PHACTR1: variants seen among roughly 807,000 people sequenced by gnomAD.
PHACTR1 encodes RPEL repeat containing 1.
A neutral mutation model predicts 69.2 loss-of-function variants in PHACTR1; 16 were observed. The ratio of observed to expected loss-of-function variants is 0.23; its 90% CI spans 0.16 to 0.35. The LOEUF (loss-of-function observed/expected upper bound fraction) is 0.35, where lower values mean the gene tolerates loss of function less well. Among genes scored for constraint, PHACTR1 ranks in the 10% least tolerant of loss-of-function variants. The pLI is 1.00. For missense variants in PHACTR1, 510 were observed against 734.7 expected (o/e 0.69, Z 3.54); for synonymous variants, 312 against 284.5 (o/e 1.10, Z -0.97).
intron 3 of PHACTR1, among the ~76,000 whole-genome samples, chr6:12,744,204 A>G (rs1765473816): frequency 1.3e-5 from 2 of 152,222 alleles, no homozygotes; most frequent in African/African-American, 2.4e-5. Context: ...TATTGGCTCT[A>G]TAAGTCAAAT....
At chr6:13,243,128 T>C (rs1773085957) in intron 10 of PHACTR1, among the ~76,000 whole-genome samples, 1 of 152,204 alleles carries the variant, frequency 6.6e-6, no homozygotes, top group Non-Finnish European at 1.5e-5. Flanking sequence ...AGAATGGGAA[T>C]GAGTCAGGGC....
chr6:12,921,320 T>C (rs1364440025), intron 4 of PHACTR1, among the ~76,000 whole-genome samples: 1 of 152,160 alleles, frequency 6.6e-6, no homozygotes, highest in Non-Finnish European at 1.5e-5. Flanking sequence ...ATAAATTCGA[T>C]AACTAATGAG....
At chr6:13,041,976 T>C (rs73366296) in intron 4 of PHACTR1, among the ~76,000 whole-genome samples, 1,937 of 152,302 alleles carry the variant, frequency 0.013, 35 homozygotes, top group African/African-American at 0.044. Context: ...TTGTGTTTCA[T>C]GGAACACAAG....
intron 4 of PHACTR1, among the ~76,000 whole-genome samples, chr6:12,949,192 C>T (rs902182768): frequency 6.6e-6 from 1 of 151,148 alleles, no homozygotes. Context: ...ATCACTTGAA[C>T]CCAGGAGGCG....
intron 4 of PHACTR1, among the ~76,000 whole-genome samples, chr6:13,041,380 A>ACACACAC: frequency 6.6e-6 from 1 of 151,308 alleles, no homozygotes; most frequent in South Asian, 2.1e-4. Flanking sequence ...ACACACACAC[A>ACACACAC]GAAGAGAAGA....
chr6:12,953,049 G>A (rs113696854), intron 4 of PHACTR1, among the ~76,000 whole-genome samples: 1,964 of 152,196 alleles, frequency 0.013, 45 homozygotes, highest in African/African-American at 0.044. Flanking sequence ...CTTGCCGGGC[G>A]TGGTGGCTCA....
At chr6:13,085,274 T>G (rs1368212675) in intron 5 of PHACTR1, among the ~76,000 whole-genome samples, 3 of 151,954 alleles carry the variant, frequency 2.0e-5, no homozygotes, top group Non-Finnish European at 4.4e-5. Context: ...ACTCCACTAC[T>G]AAATCTTTTT....
At chr6:12,777,800 T>C (rs1041597227) in intron 4 of PHACTR1, among the ~76,000 whole-genome samples, 2 of 151,980 alleles carry the variant, frequency 1.3e-5, no homozygotes, top group African/African-American at 4.8e-5. Flanking sequence ...CCCGGCTAAT[T>C]TTTCTATTTT....
intron 5 of PHACTR1, among the ~76,000 whole-genome samples, chr6:13,090,933 T>C (rs1032669203): frequency 4.6e-5 from 7 of 151,744 alleles, no homozygotes; most frequent in Non-Finnish European, 7.4e-5. Context: ...CATTGTAATA[T>C]ATAATGAAAT....
chr6:13,117,139 A>C (rs1330078508), intron 5 of PHACTR1, among the ~76,000 whole-genome samples: 1 of 152,220 alleles, frequency 6.6e-6, no homozygotes, highest in Non-Finnish European at 1.5e-5. Flanking sequence ...ATGTTGTTTC[A>C]GAGCCGCTGA....
chr6:13,181,849 C>T (rs1263962137), intron 6 of PHACTR1, among the ~76,000 whole-genome samples: 1 of 152,168 alleles, frequency 6.6e-6, no homozygotes, highest in East Asian at 1.9e-4. Context: ...CAATCCTGGT[C>T]TTCCAATCTC....
chr6:12,884,027 TACAC>T (rs142521174), intron 4 of PHACTR1, among the ~76,000 whole-genome samples: 1,682 of 148,646 alleles, frequency 0.011, 15 homozygotes, highest in Non-Finnish European at 0.017. Context: ...TGTAGCCACA[TACAC>T]ACATGCATAC....
At chr6:13,003,484 G>C (rs1156325080) in intron 4 of PHACTR1, among the ~76,000 whole-genome samples, 1 of 152,092 alleles carries the variant, frequency 6.6e-6, no homozygotes, top group Non-Finnish European at 1.5e-5. Context: ...AGTGTAAATA[G>C]ATAGATGGAT....
intron 4 of PHACTR1, among the ~76,000 whole-genome samples, chr6:12,992,900 G>A (rs1796979833): frequency 6.6e-6 from 1 of 152,196 alleles, no homozygotes; most frequent in African/African-American, 2.4e-5. Flanking sequence ...CATTTACATA[G>A]TGCGTGAAGA....
chr6:12,796,718 A>G (rs138569707), intron 4 of PHACTR1, among the ~76,000 whole-genome samples: 4 of 152,358 alleles, frequency 2.6e-5, no homozygotes, highest in Admixed American at 6.5e-5. Flanking sequence ...ACCACACGGC[A>G]GATGAACAAT....
intron 4 of PHACTR1, among the ~76,000 whole-genome samples, chr6:12,858,585 G>C (rs1019356494): frequency 1.3e-5 from 2 of 152,014 alleles, no homozygotes; most frequent in Non-Finnish European, 2.9e-5. Flanking sequence ...TTGAGGCCAG[G>C]AGTTCAATGC....
At chr6:12,736,764 T>C (rs1333229082) in intron 3 of PHACTR1, among the ~76,000 whole-genome samples, 2 of 152,162 alleles carry the variant, frequency 1.3e-5, no homozygotes, top group Non-Finnish European at 2.9e-5. Flanking sequence ...GTACAAAGAA[T>C]ACATATGTAC....
intron 6 of PHACTR1, among the ~76,000 whole-genome samples, chr6:13,165,727 C>T (rs748040202): frequency 3.7e-4 from 56 of 152,066 alleles, no homozygotes; most frequent in Admixed American, 1.4e-3. Flanking sequence ...ACGAAGTGAC[C>T]GAGTGGCTCA....
Position 13,161,729 on chromosome 6 carries a change from C to T in PHACTR1, c.496+1445C>T, listed in dbSNP as rs532631018. 2.3e-4 allele frequency among the ~76,000 whole-genome samples: 35 copies of T among 152,286 alleles called. 1 individual carries two copies. The South Asian group carries it at 6.4e-3, about 28-fold the overall frequency. On this transcript the variant is annotated intron_variant, in intron 6 of 14. Transcript: ENST00000332995. ...GTTGGTTCTTATTCCTCTGGTGAAT[C>T]TGACCTCCTTCATTCTTGTCATGGG... is the stretch of plus-strand genomic sequence containing the variant.
Sources: gnomAD v4.1 joint callset for allele counts (sites outside exome capture counted in the v4.1 genomes callset) on GRCh38, gnomAD v4.1.1 for gene constraint, MANE v1.5 for transcripts, NCBI Gene and HGNC (gene_info 2026-07-23, HGNC 2026-07-21) for gene names.